GRM7: variants seen among roughly 807,000 people sequenced by gnomAD.
GRM7 encodes the protein metabotropic glutamate receptor 7.
GRM7 carries 35 observed loss-of-function variants against 84.5 expected under a neutral mutation model. The observed-to-expected ratio is 0.41, with a 90% CI of 0.32 to 0.55. The LOEUF (loss-of-function observed/expected upper bound fraction) is 0.55, where lower values mean the gene tolerates loss of function less well. Among genes scored for constraint, GRM7 ranks in the 20% least tolerant of loss-of-function variants. GRM7 has a pLI of 0.19. For synonymous variants in GRM7, 487 were observed against 455.1 expected (o/e 1.07, Z -0.89); for missense variants, 1,003 against 1,194.6 (o/e 0.84, Z 2.36).
intron 8 of GRM7, among the ~76,000 whole-genome samples, chr3:7,657,908 C>T (rs985935361): frequency 1.3e-5 from 2 of 152,218 alleles, no homozygotes; most frequent in African/African-American, 4.8e-5. Context: ...GAAACACTCA[C>T]TTCTCCAGGA....
chr3:7,405,695 A>C (rs996912181), intron 4 of GRM7, among the ~76,000 whole-genome samples: 44 of 152,282 alleles, frequency 2.9e-4, no homozygotes, highest in Non-Finnish European at 2.2e-4. Context: ...ATTCTATTGA[A>C]TGAGCATTTA....
At chr3:7,591,752 G>T (rs1184676812) in intron 8 of GRM7, among the ~76,000 whole-genome samples, 1 of 152,056 alleles carries the variant, frequency 6.6e-6, no homozygotes, top group African/African-American at 2.4e-5. Flanking sequence ...ACTTCATATA[G>T]ATTACTTCTT....
rs1694835613 is a variant in GRM7, at chr3:6,863,496, G to C, written c.519+1589G>C. On this transcript the variant is annotated intron_variant, in intron 1 of 9. Transcript: ENST00000357716. This position sits in a 1 kb window ranked among gnomAD's most constrained non-coding sequence, Gnocchi z 4.8. The stretch of plus-strand genomic sequence containing the variant: ...AGGCTGCAGCTTGCATGGCCCCTCT[G>C]ATCCTCTGAGCATCTCTGACACTTC... Among the ~76,000 whole-genome samples, 1 of 152,170 alleles carries C rather than the reference G, an allele frequency of 6.6e-6. No individual in the cohort carries two copies. Among genetic ancestry groups the C allele is most frequent in the African/African-American group, 2.4e-5 (1 of 41,450 alleles).
chr3:7,127,807 C>T (rs1693451354), intron 1 of GRM7, among the ~76,000 whole-genome samples: 2 of 152,004 alleles, frequency 1.3e-5, no homozygotes, highest in African/African-American at 2.4e-5. Context: ...ATACTGTTAG[C>T]CTAACCCCAA....
At chr3:7,057,049 T>G (rs1201248068) in intron 1 of GRM7, among the ~76,000 whole-genome samples, 3 of 152,002 alleles carry the variant, frequency 2.0e-5, no homozygotes, top group Non-Finnish European at 4.4e-5. Flanking sequence ...TGGTGTGAAT[T>G]AATGCAAATA....
At chr3:7,433,770 A>G (rs1292208105) in intron 5 of GRM7, among the ~76,000 whole-genome samples, 1 of 152,202 alleles carries the variant, frequency 6.6e-6, no homozygotes, top group Non-Finnish European at 1.5e-5. Flanking sequence ...ATATCTGTAG[A>G]AGGCTTACAA....
chr3:7,236,294 C>T (rs1697345960), intron 2 of GRM7, among the ~76,000 whole-genome samples: 2 of 152,152 alleles, frequency 1.3e-5, no homozygotes, highest in African/African-American at 4.8e-5. Flanking sequence ...CTAAGGTGTG[C>T]CAAACAATAT....
chr3:7,332,812 C>T (rs910320738), intron 4 of GRM7, among the ~76,000 whole-genome samples: 1 of 152,162 alleles, frequency 6.6e-6, no homozygotes, highest in Non-Finnish European at 1.5e-5. Flanking sequence ...GCAAGCCCCA[C>T]CCAACGAGAG....
At chr3:6,918,601 C>A (rs62235381) in intron 1 of GRM7, among the ~76,000 whole-genome samples, 11,193 of 152,192 alleles carry the variant, frequency 0.074, 565 homozygotes, top group Non-Finnish European at 0.11. Context: ...ATTCATCTAA[C>A]AAATATTGGC....
chr3:7,448,570 G>A (rs1697628015), intron 5 of GRM7, among the ~76,000 whole-genome samples: 1 of 152,118 alleles, frequency 6.6e-6, no homozygotes, highest in Non-Finnish European at 1.5e-5. Context: ...TCAGAGGTTG[G>A]CAAATAATTG....
rs1694775350 is a variant in GRM7 at position 6,862,133 on chromosome 3, A to G, written c.519+226A>G. 6.6e-6 allele frequency among the ~76,000 whole-genome samples: 1 copy of G among 152,054 alleles called. No individual in the cohort carries two copies. Among genetic ancestry groups the G allele is most frequent in the African/African-American group, 2.4e-5 (1 of 41,400 alleles). ...CACGCTCCACTCCATCCGGCTTGAC[A>G]TCTGGATTTATGGCCCCATTTACAA... is the stretch of plus-strand genomic sequence containing the variant. On this transcript the variant is annotated intron_variant, in intron 1 of 9. Transcript: ENST00000357716. The surrounding 1 kb of genome is among the most constrained non-coding windows in gnomAD (Gnocchi z 5.2).
chr3:6,948,703 G>A (rs929088682), intron 1 of GRM7, among the ~76,000 whole-genome samples: 8 of 152,130 alleles, frequency 5.3e-5, no homozygotes, highest in Non-Finnish European at 1.0e-4. Flanking sequence ...TCTCTTTGTA[G>A]GTCACTAAGG....
chr3:7,538,188 C>A (rs1489262040), intron 7 of GRM7, among the ~76,000 whole-genome samples: 1 of 152,202 alleles, frequency 6.6e-6, no homozygotes, highest in Admixed American at 6.5e-5. Context: ...CAGCTCACTG[C>A]AACCTCTACC....
In GRM7 at chr3:7,216,564, C is replaced by A. The variant is rs144147313; in HGVS notation, c.736+69896C>A. Among the ~76,000 whole-genome samples, 756 of 152,202 alleles carry A rather than the reference C, an allele frequency of 5.0e-3. 4 individuals are homozygous for A. Among genetic ancestry groups the A allele is most frequent in the African/African-American group, 0.017 (707 of 41,526 alleles). On this transcript the variant is annotated intron_variant, in intron 2 of 9. Coordinates refer to ENST00000357716, the MANE Select transcript of GRM7 (RefSeq NM_000844.4). ...TTTGAGATTGCTTTAGAGATTTATG[C>A]AAAACTGGAAAATAACACATCTTTT...
chr3:7,230,457 A>G (rs987088522), intron 2 of GRM7, among the ~76,000 whole-genome samples: 9 of 152,156 alleles, frequency 5.9e-5, no homozygotes, highest in Non-Finnish European at 1.2e-4. Context: ...TCATCATCTG[A>G]TTAGGAATAC....
At chr3:7,410,380 G>A (rs60285271) in intron 4 of GRM7, among the ~76,000 whole-genome samples, 5,872 of 152,018 alleles carry the variant, frequency 0.039, 313 homozygotes, top group African/African-American at 0.12. Flanking sequence ...AGACTAGCCT[G>A]TGAAACATGG....
chr3:7,105,339 C>T lies in GRM7; in HGVS notation c.520-41113C>T, dbSNP rs949411815. On this transcript the variant is annotated intron_variant, in intron 1 of 9. Transcript: ENST00000357716. ...ACTCATATTCTTTGTCTACAACCAT[C>T]TATCCAGGGATCCAGCTGCAAAGTT... Among the ~76,000 whole-genome samples the T allele has an allele frequency of 7.9e-5, 12 of 152,022 alleles. No homozygotes were observed. In the South Asian group the frequency reaches 1.7e-3, roughly 21 times the overall value.
At chr3:7,337,614 C>A (rs1701471745) in intron 4 of GRM7, among the ~76,000 whole-genome samples, 1 of 151,758 alleles carries the variant, frequency 6.6e-6, no homozygotes, top group African/African-American at 2.4e-5. Flanking sequence ...ACAGACAATT[C>A]TCAAAAGATA....
chr3:7,687,640 A>G (rs191345015), intron 9 of GRM7, among the ~76,000 whole-genome samples: 15 of 152,278 alleles, frequency 9.9e-5, no homozygotes, highest in African/African-American at 2.9e-4. Flanking sequence ...GAGGGGAAAA[A>G]TATTGCTTAA....
Sources: gnomAD v4.1 joint callset for allele counts (sites outside exome capture counted in the v4.1 genomes callset) on GRCh38, gnomAD v4.1.1 for gene constraint, Gnocchi (gnomAD v3.1) non-coding constraint, MANE v1.5 for transcripts, NCBI Gene and HGNC (gene_info 2026-07-23, HGNC 2026-07-21) for gene names.